The following ZNF280D variants were observed in gnomAD, a reference collection of about 807,000 sequenced individuals.
ZNF280D encodes the protein suppressor of hairy wing homolog 4.
A neutral mutation model predicts 94.7 loss-of-function variants in ZNF280D; 39 were observed. That is an observed-to-expected ratio of 0.41 (90% CI 0.32 to 0.54). The LOEUF (loss-of-function observed/expected upper bound fraction) is 0.54. Ranked by LOEUF, ZNF280D falls within the 20% of genes least tolerant of loss-of-function variation. The pLI, the probability that ZNF280D is intolerant of heterozygous loss-of-function variation, is 0.22. For missense variants in ZNF280D, 1,090 were observed against 1,149.3 expected (o/e 0.95, Z 0.75); for synonymous variants, 398 against 377.6 (o/e 1.05, Z -0.63).
chr15:56,658,934 T>A (rs1389148066), intron 16 of ZNF280D, among the ~76,000 whole-genome samples: 2 of 151,300 alleles, frequency 1.3e-5, no homozygotes, highest in African/African-American at 4.8e-5. Flanking sequence ...ATCCAAATGA[T>A]CTGGGAAGTA....
At chr15:56,657,542 T>A (rs1161118957) in intron 17 of ZNF280D, among the ~76,000 whole-genome samples, 1 of 152,108 alleles carries the variant, frequency 6.6e-6, no homozygotes, top group Non-Finnish European at 1.5e-5. Context: ...AAGAGAACAA[T>A]GGCTAATCAT....
chr15:56,724,589 C>T (rs1426529941), intron 1 of ZNF280D, among the ~76,000 whole-genome samples: 1 of 152,164 alleles, frequency 6.6e-6, no homozygotes, highest in African/African-American at 2.4e-5. Flanking sequence ...TATCTGGCAC[C>T]CAGTGTTATT....
At chr15:56,666,137 A>C (rs1342508863) in intron 16 of ZNF280D, among the ~76,000 whole-genome samples, 1 of 152,236 alleles carries the variant, frequency 6.6e-6, no homozygotes, top group Admixed American at 6.5e-5. Flanking sequence ...TCTCAAAAAA[A>C]TAAAAAAGAA....
In ZNF280D at chr15:56,689,134, T is replaced by C. The variant is rs756269829; in HGVS notation, c.687A>G (p.Ser229=). 6.2e-7 allele frequency: 1 copy of C among 1,609,350 alleles called. No individual in the cohort carries two copies. The highest frequency in any genetic ancestry group is 2.2e-5 in the East Asian group (1 of 44,652). Residue 229 remains serine, a synonymous_variant, in exon 9 of 22, where the codon TCA becomes TCG. Transcript: ENST00000267807. ...AAGGTGTTCCATTTTTAGACTGATTTGATGAGGTATTTGTACCTAAAATAA... is the reference window on the plus strand; with the variant it reads ...AAGGTGTTCCATTTTTAGACTGATTCGATGAGGTATTTGTACCTAAAATAA... ...AMLAKGTNTS[S]NQSKNGTPFP...
intron 19 of ZNF280D, chr15:56,645,321 A>C (rs767712809): frequency 3.3e-5 from 5 of 152,222 alleles, no homozygotes; most frequent in Admixed American, 2.6e-4. Context: ...TGTAGTATTT[A>C]TAGCAAACAC....
At chr15:56,711,121 T>G (rs1347867895) in intron 1 of ZNF280D, among the ~76,000 whole-genome samples, 3 of 152,192 alleles carry the variant, frequency 2.0e-5, no homozygotes, top group Non-Finnish European at 4.4e-5. Flanking sequence ...AATGCCAAAT[T>G]CAAATTCTGA....
chr15:56,699,896 G>A (rs1239628138), intron 6 of ZNF280D: 1 of 152,670 alleles, frequency 6.6e-6, no homozygotes, highest in Non-Finnish European at 1.5e-5. Context: ...GTTGAGTAAT[G>A]TAGTTTACTG....
intron 9 of ZNF280D, among the ~76,000 whole-genome samples, chr15:56,686,251 G>A (rs908679783): frequency 1.3e-5 from 2 of 152,118 alleles, no homozygotes; most frequent in Non-Finnish European, 2.9e-5. Flanking sequence ...CGATTCTCTC[G>A]CCTCAGCCTC....
At chr15:56,704,061 A>G (rs1055450137) in intron 4 of ZNF280D, 60 bp downstream of exon 4, 3 of 1,587,984 alleles carry the variant, frequency 1.9e-6, no homozygotes, top group Non-Finnish European at 2.6e-6. Flanking sequence ...ACAGTTCACA[A>G]GTTTTTCTAC....
intron 4 of ZNF280D, among the ~76,000 whole-genome samples, chr15:56,702,661 AC>A (rs2057152483): frequency 6.6e-6 from 1 of 152,106 alleles, no homozygotes. Context: ...ATTATGTCCC[AC>A]TATCACCGAC....
chr15:56,682,115 A>G (rs150840058), intron 10 of ZNF280D, 139 bp downstream of exon 10: 2 of 584,166 alleles, frequency 3.4e-6, no homozygotes, highest in Admixed American at 3.9e-5. Flanking sequence ...CTTTTCAACA[A>G]GAGAATCCGC....
rs752730701 is a variant in ZNF280D at position 56,689,034 on chromosome 15, G to C, written c.780+7C>G. ...TTTTTACAAATTAAATTTTGAAAGA[G>C]TTTTACCTTCATGTGATTTTTCAAA... On this transcript the variant is annotated splice_region_variant and intron_variant, in intron 9 of 21. Coordinates refer to ENST00000267807, the MANE Select transcript of ZNF280D (RefSeq NM_017661.4). The C allele has an allele frequency of 1.9e-6, 3 of 1,580,928 alleles. No individual in the cohort carries two copies. The African/African-American group carries it at 4.1e-5, about 21-fold the overall frequency.
chr15:56,660,326 G>A (rs773197280), intron 16 of ZNF280D, among the ~76,000 whole-genome samples: 10 of 152,092 alleles, frequency 6.6e-5, no homozygotes, highest in Non-Finnish European at 1.3e-4. Flanking sequence ...TATAAGAGGA[G>A]AGAAAATCTT....
At chr15:56,719,831 A>G (rs757615936) in intron 1 of ZNF280D, among the ~76,000 whole-genome samples, 6 of 151,626 alleles carry the variant, frequency 4.0e-5, no homozygotes, top group Non-Finnish European at 8.8e-5. Flanking sequence ...TAAATGTACA[A>G]TAGCATTGTC....
At chr15:56,664,637 C>A (rs1483940699) in intron 16 of ZNF280D, among the ~76,000 whole-genome samples, 1 of 152,016 alleles carries the variant, frequency 6.6e-6, no homozygotes, top group African/African-American at 2.4e-5. Flanking sequence ...AAAATAAAAT[C>A]TTTAGGGTAC....
chr15:56,689,591 T>C (rs2056296620), intron 7 of ZNF280D, 121 bp from the exon 8 acceptor site: 1 of 635,074 alleles, frequency 1.6e-6, no homozygotes, highest in Non-Finnish European at 2.4e-6. Flanking sequence ...ATCATGACAA[T>C]AATGATAAAA....
intron 10 of ZNF280D, among the ~76,000 whole-genome samples, chr15:56,680,968 C>G (rs1455169358): frequency 6.6e-6 from 1 of 152,190 alleles, no homozygotes; most frequent in African/African-American, 2.4e-5. Context: ...TAGAGTTCTA[C>G]TGCAACACTG....
chr15:56,716,422 T>C (rs1379297534), intron 1 of ZNF280D, among the ~76,000 whole-genome samples: 1 of 148,822 alleles, frequency 6.7e-6, no homozygotes, highest in Non-Finnish European at 1.5e-5. Flanking sequence ...GAGGATTCCA[T>C]GAAGAAGGAA....
chr15:56,729,259 C>A (rs149719239), intron 1 of ZNF280D, among the ~76,000 whole-genome samples: 99 of 152,280 alleles, frequency 6.5e-4, no homozygotes, highest in Admixed American at 1.1e-3. Flanking sequence ...AGACATATAA[C>A]TTGTGACAAA....
Sources: allele counts gnomAD v4.1 joint callset (sites outside exome capture counted in the v4.1 genomes callset), GRCh38; gene constraint gnomAD v4.1.1; transcripts MANE v1.5; gene names NCBI Gene and HGNC (gene_info 2026-07-23, HGNC 2026-07-21).